KIF25: variants seen among roughly 807,000 people sequenced by gnomAD.
KIF25 encodes the protein kinesin-like protein KIF25.
KIF25 carries 19 observed loss-of-function variants against 32.9 expected under a neutral mutation model. That is an observed-to-expected ratio of 0.58 (90% confidence interval 0.40 to 0.85). KIF25 has a LOEUF of 0.85. Ranked by LOEUF, KIF25 falls within the 40% of genes least tolerant of loss-of-function variation. The probability of loss-of-function intolerance (pLI) is 0.00; values close to 1 mark genes in which losing one functional copy is unlikely to be tolerated. For missense variants in KIF25, 485 were observed against 507.0 expected (o/e 0.96, Z 0.42); for synonymous variants, 225 against 213.7 (o/e 1.05, Z -0.46).
intron 4 of KIF25, among the ~76,000 whole-genome samples, chr6:168,010,158 A>G (rs1202297862): frequency 1.3e-5 from 2 of 152,004 alleles, no homozygotes; most frequent in African/African-American, 2.4e-5. Context: ...TGTCATTTAT[A>G]TGAATCTTTC....
intron 5 of KIF25, among the ~76,000 whole-genome samples, chr6:168,027,498 G>GA (rs1362636041): frequency 2.6e-5 from 4 of 151,374 alleles, no homozygotes; most frequent in African/African-American, 9.7e-5. Flanking sequence ...AAGAAAAAGG[G>GA]AAAGGAGATT....
At chr6:168,020,272 G>A (rs530027090) in intron 5 of KIF25, among the ~76,000 whole-genome samples, 1 of 152,118 alleles carries the variant, frequency 6.6e-6, no homozygotes, top group African/African-American at 2.4e-5. Flanking sequence ...AAAGATACAG[G>A]ACCAGCACCT....
Position 168,033,886 on chromosome 6 carries a change from A to T in KIF25, c.172A>T (p.Asn58Tyr), listed in dbSNP as rs753151519. 1 of 1,612,652 alleles carries T rather than the reference A, an allele frequency of 6.2e-7. No individual in the cohort carries two copies. Among genetic ancestry groups the T allele is most frequent in the East Asian group, 2.2e-5 (1 of 44,832 alleles). Residue 58 changes from asparagine to tyrosine, a missense_variant, in exon 8 of 13, where the codon AAT becomes TAT. Asn to Tyr is a moderately radical substitution (Grantham distance 143). Transcript: ENST00000643607. ...TGAATCTGCTCTGAATTTTAGGTAC[A>T]ATGTTTGTGTTATGGCGTATGGACA... ...PLLTSLLDGY[N>Y]VCVMAYGQTG...
chr6:168,038,523 TGTAA>T, intron 8 of KIF25, 26 bp from the exon 9 acceptor site: 1 of 1,610,864 alleles, frequency 6.2e-7, no homozygotes. Flanking sequence ...TGAGACTTTC[TGTAA>T]GTTTCTCTTG....
At chr6:168,030,665 G>A (rs1798928458) in intron 6 of KIF25, 108 bp from the exon 7 acceptor site, 1 of 715,492 alleles carries the variant, frequency 1.4e-6, no homozygotes, top group Non-Finnish European at 2.4e-6. Context: ...GATGGCGTTG[G>A]GGGGATGGGA....
Position 167,999,580 on chromosome 6 carries a change from G to A in KIF25, c.-370+260G>A, listed in dbSNP as rs532803735. On this transcript the variant is annotated intron_variant, in intron 2 of 12. Transcript: ENST00000643607. ...GTGGTAGTGGTTCTGCACCTGAGAG[G>A]GCGTCCGTCTTTTCGTGGTTTGCCT... Among the ~76,000 whole-genome samples, 129 of 152,306 alleles carry A rather than the reference G, an allele frequency of 8.5e-4. 3 individuals are homozygous for A. The South Asian group carries it at 0.026, about 31-fold the overall frequency.
In KIF25 at chr6:168,003,596, G is replaced by A. The variant is rs1194010271; in HGVS notation, c.-252-18G>A. 2.0e-5 allele frequency: 3 copies of A among 152,192 alleles called. No individual in the cohort carries two copies. Among genetic ancestry groups the A allele is most frequent in the Non-Finnish European group, 2.9e-5 (2 of 68,036 alleles). The allele number at this position is 152,192 out of a possible 1,614,324, so 9.4% of individuals were successfully genotyped here. A position where few individuals can be genotyped will look rare whatever the true frequency, so the allele number is the denominator to read the frequency against. Reference sequence around the variant, plus strand: ...TTTCTTCATGATGTGTATTTTCAATGTTGTTTCATTCCCTCAGCTCCATCT... The same window carrying A: ...TTTCTTCATGATGTGTATTTTCAATATTGTTTCATTCCCTCAGCTCCATCT... On this transcript the variant is annotated intron_variant, in intron 3 of 12. Transcript: ENST00000643607.
chr6:168,042,441 T>C, intron 11 of KIF25, 120 bp from the exon 12 acceptor site: 1 of 1,266,494 alleles, frequency 7.9e-7, no homozygotes, highest in Non-Finnish European at 1.1e-6. Flanking sequence ...CTCTCATGCC[T>C]GTCCCGTCCA....
At chr6:168,023,512 C>A (rs969262384) in intron 5 of KIF25, among the ~76,000 whole-genome samples, 1 of 152,116 alleles carries the variant, frequency 6.6e-6, no homozygotes, top group Admixed American at 6.5e-5. Flanking sequence ...AAGTGATCGG[C>A]CCACCTTGGT....
At chr6:168,027,755 C>T (rs1435628004) in intron 5 of KIF25, among the ~76,000 whole-genome samples, 4 of 152,258 alleles carry the variant, frequency 2.6e-5, no homozygotes, top group South Asian at 2.1e-4. Context: ...TGTTCCGGTC[C>T]GTGGGTGAGA....
intron 4 of KIF25, among the ~76,000 whole-genome samples, chr6:168,010,141 A>C (rs1426492498): frequency 6.6e-6 from 1 of 151,996 alleles, no homozygotes; most frequent in African/African-American, 2.4e-5. Flanking sequence ...CTTGAGGTGC[A>C]TCATAATGTC....
chr6:168,034,259 T>A (rs1798984682), intron 8 of KIF25, among the ~76,000 whole-genome samples: 1 of 152,196 alleles, frequency 6.6e-6, no homozygotes, highest in Non-Finnish European at 1.5e-5. Flanking sequence ...GACTAAACTT[T>A]ATTTTTAAAT....
intron 8 of KIF25, among the ~76,000 whole-genome samples, chr6:168,034,261 T>C (rs1798984721): frequency 6.6e-6 from 1 of 152,206 alleles, no homozygotes; most frequent in African/African-American, 2.4e-5. Flanking sequence ...CTAAACTTTA[T>C]TTTTAAATTT....
chr6:168,013,799 C>G (rs1218077879), intron 4 of KIF25, among the ~76,000 whole-genome samples: 3 of 152,126 alleles, frequency 2.0e-5, no homozygotes, highest in Non-Finnish European at 4.4e-5. Flanking sequence ...TGCCTCCCCT[C>G]TGCCTTCCTG....
chr6:168,001,238 T>C (rs540342178), intron 2 of KIF25, among the ~76,000 whole-genome samples: 1 of 152,354 alleles, frequency 6.6e-6, no homozygotes, highest in East Asian at 1.9e-4. Flanking sequence ...GTGTTTTGTA[T>C]GGACCGGTTC....
intron 12 of KIF25, among the ~76,000 whole-genome samples, 161 bp downstream of exon 12, chr6:168,042,877 TCTC>T (rs1377043273): frequency 6.6e-6 from 1 of 152,050 alleles, no homozygotes; most frequent in East Asian, 1.9e-4. Flanking sequence ...CGGTGGTCAT[TCTC>T]CTGCGCCGTC....
At chr6:168,008,830 A>C (rs547558985) in intron 4 of KIF25, among the ~76,000 whole-genome samples, 1 of 152,062 alleles carries the variant, frequency 6.6e-6, no homozygotes, top group Admixed American at 6.5e-5. Context: ...AATTTTTTGC[A>C]GCTATTGTAT....
intron 5 of KIF25, among the ~76,000 whole-genome samples, chr6:168,021,862 A>T (rs1475980276): frequency 6.6e-6 from 1 of 152,222 alleles, no homozygotes; most frequent in South Asian, 2.1e-4. Flanking sequence ...GTCGTTCAGG[A>T]TCTCAGAGCA....
chr6:168,012,722 G>A (rs928007954), intron 4 of KIF25, among the ~76,000 whole-genome samples: 1 of 152,122 alleles, frequency 6.6e-6, no homozygotes, highest in Non-Finnish European at 1.5e-5. Flanking sequence ...CGTCTGGGGT[G>A]TGTCTGCTGG....
Sources: gnomAD v4.1 joint callset for allele counts (sites outside exome capture counted in the v4.1 genomes callset) on GRCh38, gnomAD v4.1.1 for gene constraint, MANE v1.5 for transcripts, NCBI Gene and HGNC (gene_info 2026-07-23, HGNC 2026-07-21) for gene names.